Variants in NEK2 observed in about 807,000 individuals in gnomAD.
NEK2 encodes the protein NIMA related kinase 2.
A neutral mutation model predicts 54.1 loss-of-function variants in NEK2; 28 were observed. The ratio of observed to expected loss-of-function variants is 0.52; its 90% CI spans 0.38 to 0.71. NEK2 has a LOEUF of 0.71. NEK2 is among the 30% of genes least tolerant of loss of function. The pLI, the probability that NEK2 is intolerant of heterozygous loss-of-function variation, is 0.00. For synonymous variants in NEK2, 176 were observed against 193.1 expected (o/e 0.91, Z 0.73); for missense variants, 407 against 531.5 (o/e 0.77, Z 2.30).
intron 7 of NEK2, among the ~76,000 whole-genome samples, chr1:211,664,190 A>C (rs1655104229): frequency 1.3e-5 from 2 of 152,162 alleles, no homozygotes; most frequent in Non-Finnish European, 2.9e-5. Context: ...CAGTGTGGAA[A>C]AGGTAAATCA....
At chr1:211,660,956 G>T, downstream of NEK2, 1 of 746,656 alleles carries the variant, frequency 1.3e-6, no homozygotes, top group Non-Finnish European at 2.5e-6. Context: ...TCTACCACGA[G>T]GAAGAAAGCT....
chr1:211,666,916 T>C, intron 7 of NEK2, 190 bp downstream of exon 7: 4 of 1,391,142 alleles, frequency 2.9e-6, no homozygotes, highest in Non-Finnish European at 3.7e-6. Flanking sequence ...CTCAGGTCTA[T>C]GAACCCAGGA....
chr1:211,663,658 G>C lies in NEK2; in HGVS notation c.1112-6C>G. 1 of 1,611,480 alleles carries C rather than the reference G, an allele frequency of 6.2e-7. No individual in the cohort carries two copies. The highest frequency in any genetic ancestry group is 1.1e-5 in the South Asian group (1 of 90,856). ...GGATGGAAGATTAAGAAGTTCTTTA[G>C]AAGGAAAAAGAAAAAGGGCTCTGAG... On this transcript the variant is annotated splice_polypyrimidine_tract_variant and splice_region_variant and intron_variant, in intron 7 of 7. Transcript: ENST00000366999.
intron 7 of NEK2, among the ~76,000 whole-genome samples, chr1:211,663,854 T>C (rs1249948167): frequency 3.9e-5 from 6 of 152,194 alleles, no homozygotes; most frequent in Non-Finnish European, 8.8e-5. Flanking sequence ...AAAAATAATA[T>C]TGGAATGTGC....
At chr1:211,666,351 C>T (rs1030446593) in intron 7 of NEK2, 12 of 213,408 alleles carry the variant, frequency 5.6e-5, no homozygotes, top group Non-Finnish European at 9.7e-5. Context: ...CCAAACGTGA[C>T]AGCCTATTCT....
intron 2 of NEK2, 102 bp downstream of exon 2, chr1:211,674,194 A>C: frequency 2.1e-6 from 2 of 959,136 alleles, no homozygotes; most frequent in Non-Finnish European, 3.1e-6. Flanking sequence ...CTACCAAACA[A>C]ATACAAATAC....
chr1:211,661,512 A>T (rs531165328), downstream of NEK2, among the ~76,000 whole-genome samples: 11 of 152,340 alleles, frequency 7.2e-5, no homozygotes, highest in South Asian at 2.3e-3. Flanking sequence ...AAGTGCAGCA[A>T]ATCTTCAAAT....
At chr1:211,660,728 T>C, downstream of NEK2, 1 of 680,792 alleles carries the variant, frequency 1.5e-6, no homozygotes, top group South Asian at 1.4e-5. Context: ...GGTGCTGTGA[T>C]GGGGTCCAGG....
At chr1:211,661,702 G>A (rs1335966927), downstream of NEK2, among the ~76,000 whole-genome samples, 3 of 152,158 alleles carry the variant, frequency 2.0e-5, no homozygotes, top group Non-Finnish European at 2.9e-5. Flanking sequence ...TATCTTCTTC[G>A]ACAGTCAAAT....
downstream of NEK2, among the ~76,000 whole-genome samples, chr1:211,661,631 T>A (rs1461206271): frequency 6.6e-6 from 1 of 152,240 alleles, no homozygotes; most frequent in African/African-American, 2.4e-5. Context: ...TGCCGTCCAC[T>A]AGCCAAAATG....
intron 7 of NEK2, chr1:211,666,305 A>T (rs1378629834): frequency 6.4e-6 from 1 of 156,346 alleles, no homozygotes; most frequent in Non-Finnish European, 1.4e-5. Context: ...ATTTCAACAA[A>T]TATGTCTTTC....
chr1:211,658,581 C>T, downstream of NEK2: 1 of 440,732 alleles, frequency 2.3e-6, no homozygotes, highest in Non-Finnish European at 4.5e-6. Flanking sequence ...GAGTTCAAGA[C>T]CATCCTGGGC....
At chr1:211,660,529 T>C, downstream of NEK2, 1 of 641,102 alleles carries the variant, frequency 1.6e-6, no homozygotes, top group Admixed American at 1.9e-5. Flanking sequence ...AAAGTGATCA[T>C]CCTGAATCTT....
rs1434265240 is a variant in NEK2 at position 211,674,337 on chromosome 1, T to C, written c.273A>G (p.Gly91=). The change falls in exon 2 of 8, where the codon GGA becomes GGG. Residue 91 remains glycine, a synonymous_variant. Transcript: ENST00000366999. ...TLYIVMEYCE[G]GDLASVITKG... is the part of the protein sequence containing the mutation. Reference sequence around the variant, plus strand: ...TTGTAATTACACTAGCCAGATCCCCTCCTTCACAATATTCCATTACAATGT... The same window carrying C: ...TTGTAATTACACTAGCCAGATCCCCCCCTTCACAATATTCCATTACAATGT... 1.9e-6 allele frequency: 3 copies of C among 1,614,012 alleles called. No individual in the cohort carries two copies. The Admixed American group carries it at 5.0e-5, about 27-fold the overall frequency.
At chr1:211,675,114 C>A (rs2102448888) in intron 1 of NEK2, among the ~76,000 whole-genome samples, 1 of 152,228 alleles carries the variant, frequency 6.6e-6, no homozygotes, top group East Asian at 1.9e-4. Context: ...TACCTGTCAC[C>A]AATGGAAGGT....
intron 7 of NEK2, among the ~76,000 whole-genome samples, chr1:211,664,651 G>A (rs1357201705): frequency 6.6e-6 from 1 of 152,210 alleles, no homozygotes; most frequent in African/African-American, 2.4e-5. Flanking sequence ...GCACACAGAT[G>A]CACTGCCTTC....
chr1:211,662,767 A>G (rs1272568180), downstream of NEK2: 3 of 984,678 alleles, frequency 3.0e-6, no homozygotes, highest in African/African-American at 1.7e-5. The surrounding 1 kb of genome is among the most constrained non-coding windows in gnomAD (Gnocchi z 4.2). Context: ...TGCAAGACAC[A>G]TAACTACAGG....
chr1:211,666,837 G>A (rs1655196681), intron 7 of NEK2: 5 of 1,032,942 alleles, frequency 4.8e-6, no homozygotes, highest in Non-Finnish European at 4.8e-6. Flanking sequence ...ATAAAAATAA[G>A]TATCAATTAC....
At position 211,673,706 on chromosome 1, in the gene NEK2, T is replaced by G. The variant is rs1377850573; in HGVS notation, c.332A>C (p.Glu111Ala). The G allele has an allele frequency of 6.2e-7, 1 of 1,614,040 alleles. No homozygotes were observed. Among genetic ancestry groups the G allele is most frequent in the Non-Finnish European group, 8.5e-7 (1 of 1,180,020 alleles). The change falls in exon 3 of 8, where the codon GAG becomes GCG. Residue 111 changes from glutamate to alanine, a missense_variant. Coordinates refer to ENST00000366999, the MANE Select transcript of NEK2 (RefSeq NM_002497.4). ...GTKERQYLDE[E>A]FVLRVMTQLT... ...CTGAGTCATCACTCGAAGAACAAAC[T>G]CTTCATCTAAGTATTGCCTAAAACC...
Sources: allele counts gnomAD v4.1 joint callset (sites outside exome capture counted in the v4.1 genomes callset), GRCh38; gene constraint gnomAD v4.1.1; non-coding constraint Gnocchi (gnomAD v3.1); transcripts MANE v1.5; gene names NCBI Gene and HGNC (gene_info 2026-07-23, HGNC 2026-07-21).